Variants in CDH6 observed in about 807,000 individuals in gnomAD.
The protein encoded by CDH6 is cadherin 6.
In CDH6, 31 loss-of-function variants were observed where a neutral mutation model predicts 78.0. The observed-to-expected ratio is 0.40, with a 90% CI of 0.30 to 0.54. CDH6 has a LOEUF of 0.54. Ranked by LOEUF, CDH6 falls within the 20% of genes least tolerant of loss-of-function variation. CDH6 has a pLI of 0.56. For synonymous variants in CDH6, 376 were observed against 368.8 expected, an observed-to-expected ratio of 1.02 and a Z score of -0.23; for missense variants, 724 against 975.9, an observed-to-expected ratio of 0.74 and a Z score of 3.44.
chr5:31,325,619 C>T lies in CDH6; in HGVS notation c.*2311C>T, dbSNP rs1267579253. 8.7e-6 allele frequency: 2 copies of T among 230,510 alleles called. No homozygotes were observed. Among genetic ancestry groups the T allele is most frequent in the Non-Finnish European group, 1.7e-5 (2 of 116,520 alleles). 14.3% of individuals were successfully genotyped at this position (230,510 alleles called of 1,614,324 possible). A position where few individuals can be genotyped will look rare whatever the true frequency, so the allele number is the denominator to read the frequency against. On this transcript the variant is annotated 3_prime_UTR_variant, in exon 12 of 12. Transcript: ENST00000265071. ...AGTTGAGGATTGACACTAGCAGTTT[C>T]CAATGTTTAAAGGTAAGATCTGAGT...
chr5:31,249,820 T>C (rs1001774071), intron 1 of CDH6: 3 of 152,286 alleles, frequency 2.0e-5, no homozygotes, highest in Non-Finnish European at 4.4e-5. Flanking sequence ...GCAGTCTCTG[T>C]GGAATCCAGG....
At chr5:31,196,751 T>C (rs371135319) in intron 1 of CDH6, among the ~76,000 whole-genome samples, 1 of 152,190 alleles carries the variant, frequency 6.6e-6, no homozygotes, top group African/African-American at 2.4e-5. Context: ...TTTTTATGGT[T>C]TTCTGAATAT....
At chr5:31,229,468 G>A (rs994881473) in intron 1 of CDH6, among the ~76,000 whole-genome samples, 1 of 152,226 alleles carries the variant, frequency 6.6e-6, no homozygotes, top group Non-Finnish European at 1.5e-5. Flanking sequence ...GAGCTGTTAG[G>A]CATTTGTAAC....
chr5:31,256,478 G>GT (rs1178139967), intron 1 of CDH6, among the ~76,000 whole-genome samples: 1 of 152,182 alleles, frequency 6.6e-6, no homozygotes, highest in Non-Finnish European at 1.5e-5. Context: ...AAAATAAAGT[G>GT]TAACTCCGAC....
chr5:31,201,184 C>T (rs935883058), intron 1 of CDH6, among the ~76,000 whole-genome samples: 4 of 152,006 alleles, frequency 2.6e-5, no homozygotes, highest in Admixed American at 1.3e-4. Flanking sequence ...TGGATACTTG[C>T]GGTGAAGATA....
rs536133451 is a variant in CDH6, at chr5:31,222,148, G to C, written c.-129+28262G>C. 6.6e-5 allele frequency among the ~76,000 whole-genome samples: 10 copies of C among 152,184 alleles called. No homozygotes were observed. In the South Asian group the frequency reaches 2.1e-3, roughly 32 times the overall value. ...GAGAAATAAATCTTAAAATGGCCAA[G>C]TGACTTTTTTTCAATAGGGATATTC... is the stretch of plus-strand genomic sequence containing the variant. On this transcript the variant is annotated intron_variant, in intron 1 of 11. Coordinates refer to ENST00000265071, the MANE Select transcript of CDH6 (RefSeq NM_004932.4).
In CDH6 at chr5:31,230,450, C is replaced by T. The variant is rs370632394; in HGVS notation, c.-129+36564C>T. On this transcript the variant is annotated intron_variant, in intron 1 of 11. Transcript: ENST00000265071. ...GTATTAAAGTATTTATGTTAAACACCGTTAAAATACACTTCCAGTGTATTT... is the reference window on the plus strand; with the variant it reads ...GTATTAAAGTATTTATGTTAAACACTGTTAAAATACACTTCCAGTGTATTT... Among the ~76,000 whole-genome samples, 62 of 152,114 alleles carry T rather than the reference C, an allele frequency of 4.1e-4. 2 individuals carry two copies. In the East Asian group the frequency reaches 0.011, roughly 27 times the overall value.
intron 1 of CDH6, among the ~76,000 whole-genome samples, chr5:31,216,274 AATGT>A (rs1740860589): frequency 1.3e-5 from 2 of 152,084 alleles, no homozygotes; most frequent in Admixed American, 1.3e-4. Flanking sequence ...TGAGGGAAAA[AATGT>A]TGTTGCTCCA....
At chr5:31,292,100 G>A (rs1215816392) in intron 2 of CDH6, among the ~76,000 whole-genome samples, 1 of 152,138 alleles carries the variant, frequency 6.6e-6, no homozygotes, top group Non-Finnish European at 1.5e-5. Context: ...TTTCCCATGA[G>A]CTGTGTGATT....
chr5:31,299,484 C>A lies in CDH6; in HGVS notation c.664C>A (p.Leu222Ile). Reference protein sequence around the residue: ...SETGIIKTALLNMDRENREQY... With the variant: ...SETGIIKTALINMDRENREQY... ...CACAGGTATTATCAAGACAGCTTTG[C>A]TCAACATGGATCGAGAAAACAGGGA... is the stretch of plus-strand genomic sequence containing the variant. The change falls in exon 5 of 12, where the codon CTC (leucine) becomes ATC (isoleucine). Residue 222 changes from leucine to isoleucine, a missense_variant. By Grantham distance (5) the Leu-to-Ile change is conservative (BLOSUM62 2). Transcript: ENST00000265071. 1 of 1,613,658 alleles carries A rather than the reference C, an allele frequency of 6.2e-7. No homozygotes were observed. Among genetic ancestry groups the A allele is most frequent in the South Asian group, 1.1e-5 (1 of 91,026 alleles).
intron 1 of CDH6, among the ~76,000 whole-genome samples, chr5:31,242,710 G>C (rs1741639707): frequency 6.7e-6 from 1 of 150,236 alleles, no homozygotes; most frequent in South Asian, 2.2e-4. Flanking sequence ...ATGGGGGGGG[G>C]CGGTTAGAAG....
chr5:31,287,559 A>G (rs1743042633), intron 2 of CDH6, among the ~76,000 whole-genome samples: 1 of 152,192 alleles, frequency 6.6e-6, no homozygotes, highest in Non-Finnish European at 1.5e-5. Flanking sequence ...GAGGAAATAA[A>G]GGCCTGGAGA....
At chr5:31,268,293 G>T (rs957860174) in intron 2 of CDH6, among the ~76,000 whole-genome samples, 2 of 152,148 alleles carry the variant, frequency 1.3e-5, no homozygotes, top group African/African-American at 4.8e-5. Flanking sequence ...AAAATCTTTT[G>T]ATTTAACTGT....
At chr5:31,311,464 A>G (rs2149956763) in intron 7 of CDH6, among the ~76,000 whole-genome samples, 1 of 152,178 alleles carries the variant, frequency 6.6e-6, no homozygotes. Context: ...GAACCCTCCA[A>G]TCTGTTCCAA....
intron 1 of CDH6, among the ~76,000 whole-genome samples, chr5:31,248,429 G>A (rs1335963471): frequency 6.6e-6 from 1 of 152,118 alleles, no homozygotes. Context: ...GAATCCCATA[G>A]TAAAGTACTT....
chr5:31,279,291 G>A (rs910342077), intron 2 of CDH6, among the ~76,000 whole-genome samples: 4 of 152,014 alleles, frequency 2.6e-5, no homozygotes, highest in African/African-American at 4.8e-5. Flanking sequence ...ATCATGGCTG[G>A]GCACAATGGC....
At chr5:31,272,407 G>A (rs1315731465) in intron 2 of CDH6, among the ~76,000 whole-genome samples, 3 of 152,116 alleles carry the variant, frequency 2.0e-5, no homozygotes, top group Non-Finnish European at 4.4e-5. Flanking sequence ...GAAAAATAGA[G>A]GGAAGCCTTA....
chr5:31,269,793 G>A (rs1483905023), intron 2 of CDH6, among the ~76,000 whole-genome samples: 1 of 152,162 alleles, frequency 6.6e-6, no homozygotes, highest in Non-Finnish European at 1.5e-5. Context: ...TTTATGGGCA[G>A]CTAGATAAAT....
At chr5:31,305,455 T>G (rs1737966240) in intron 7 of CDH6, 28 bp downstream of exon 7, 13 of 1,590,292 alleles carry the variant, frequency 8.2e-6, no homozygotes, top group Non-Finnish European at 1.1e-5. Flanking sequence ...ACATGTCTCT[T>G]TCATAAGCTT....
Sources: allele counts gnomAD v4.1 joint callset (sites outside exome capture counted in the v4.1 genomes callset), GRCh38; gene constraint gnomAD v4.1.1; transcripts MANE v1.5; gene names NCBI Gene and HGNC (gene_info 2026-07-23, HGNC 2026-07-21).